Variants in CABLES1 observed in about 807,000 individuals in gnomAD.
CABLES1 encodes the protein Cdk5 and Abl enzyme substrate 1.
Under a neutral mutation model 57.8 loss-of-function variants are expected in CABLES1, and 36 were observed. That is an observed-to-expected ratio of 0.62 (90% CI 0.48 to 0.82). The LOEUF is 0.82. Among genes scored for constraint, CABLES1 ranks in the 40% least tolerant of loss-of-function variants. CABLES1 has a pLI of 0.00. For synonymous variants in CABLES1, 374 were observed against 363.0 expected, an observed-to-expected ratio of 1.03 and a Z score of -0.35; for missense variants, 767 against 836.6, an observed-to-expected ratio of 0.92 and a Z score of 1.03.
At chr18:23,148,316 A>G (rs1729449658) in intron 1 of CABLES1, among the ~76,000 whole-genome samples, 1 of 151,680 alleles carries the variant, frequency 6.6e-6, no homozygotes, top group African/African-American at 2.4e-5. Flanking sequence ...TAAGCAGGAT[A>G]CCCTCTCCCG....
At chr18:23,247,715 T>C (rs1487280703) in intron 7 of CABLES1, among the ~76,000 whole-genome samples, 2 of 152,240 alleles carry the variant, frequency 1.3e-5, no homozygotes, top group Non-Finnish European at 2.9e-5. Context: ...GCCTGTGTTC[T>C]TCCCCACTGA....
At chr18:23,145,420 C>A (rs2046885929) in intron 1 of CABLES1, among the ~76,000 whole-genome samples, 1 of 152,126 alleles carries the variant, frequency 6.6e-6, no homozygotes, top group South Asian at 2.1e-4. Flanking sequence ...CTGTTCTCCT[C>A]TTTGGGGGCT....
intron 3 of CABLES1, among the ~76,000 whole-genome samples, chr18:23,196,621 G>A (rs1183648460): frequency 6.6e-6 from 1 of 152,202 alleles, no homozygotes; most frequent in Non-Finnish European, 1.5e-5. Flanking sequence ...ATCTCCTGCT[G>A]GAGGCAGCCG....
At chr18:23,213,745 C>T (rs1264080264) in intron 3 of CABLES1, among the ~76,000 whole-genome samples, 1 of 152,188 alleles carries the variant, frequency 6.6e-6, no homozygotes, top group East Asian at 1.9e-4. Context: ...TCATTAGTGA[C>T]CCTTGCTGGT....
chr18:23,232,682 A>G (rs2047574942), intron 4 of CABLES1, among the ~76,000 whole-genome samples: 1 of 152,044 alleles, frequency 6.6e-6, no homozygotes, highest in African/African-American at 2.4e-5. Context: ...GGGACTCCAG[A>G]GATGTTTTGA....
At chr18:23,159,394 G>A (rs182102683) in intron 1 of CABLES1, among the ~76,000 whole-genome samples, 44 of 152,354 alleles carry the variant, frequency 2.9e-4, no homozygotes, top group African/African-American at 9.6e-4. Flanking sequence ...ATTAAGCTTT[G>A]CTTCGCCTAA....
rs1418710372 is a variant in CABLES1, at chr18:23,259,997, GC to G, written c.*2632del. On this transcript the variant is annotated 3_prime_UTR_variant, in exon 10 of 10. Transcript: ENST00000256925. ...CCTGATTCCTTTTCCCCCGGAGCCAGCCTAGGGGGCCCGGGACTCCTCTAGT... is the reference window on the plus strand; with the variant it reads ...CCTGATTCCTTTTCCCCCGGAGCCAGCTAGGGGGCCCGGGACTCCTCTAGT... 2.0e-5 allele frequency: 3 copies of G among 151,988 alleles called. No homozygotes were observed. The highest frequency in any genetic ancestry group is 7.3e-5 in the African/African-American group (3 of 41,352). 9.4% of individuals were successfully genotyped at this position (151,988 alleles called of 1,614,324 possible).
chr18:23,222,971 G>T (rs532806822), intron 4 of CABLES1, among the ~76,000 whole-genome samples: 2 of 152,138 alleles, frequency 1.3e-5, no homozygotes, highest in African/African-American at 2.4e-5. Context: ...GACTCCCCCC[G>T]CATTAGCCTC....
chr18:23,145,430 T>A (rs970437223), intron 1 of CABLES1, among the ~76,000 whole-genome samples: 1 of 152,212 alleles, frequency 6.6e-6, no homozygotes, highest in Non-Finnish European at 1.5e-5. Flanking sequence ...CTTTGGGGGC[T>A]GTGCAAAATG....
intron 1 of CABLES1, among the ~76,000 whole-genome samples, chr18:23,178,653 C>T (rs1347587323): frequency 1.3e-5 from 2 of 151,348 alleles, no homozygotes; most frequent in Non-Finnish European, 3.0e-5. Context: ...GCAGGGTAGA[C>T]TGGGAGATCT....
rs1350869701 is a variant in CABLES1 at position 23,253,930 on chromosome 18, A to C, written c.1755A>C (p.Leu585Phe). 2 of 1,613,910 alleles carry C rather than the reference A, an allele frequency of 1.2e-6. No individual in the cohort carries two copies. Among genetic ancestry groups the C allele is most frequent in the African/African-American group, 2.7e-5 (2 of 74,940 alleles). ...TCAAAAAACACGAAGTCAAGCATTT[A>C]ATTGACGTAAGTAGCCTTTTTCCTG... is the stretch of plus-strand genomic sequence containing the variant. ...SDLKKHEVKH[L>F]IDKLEEKFRL... The change falls in exon 9 of 10, where the codon TTA (leucine) becomes TTC (phenylalanine). Residue 585 changes from leucine to phenylalanine, a missense_variant. Coordinates refer to ENST00000256925, the MANE Select transcript of CABLES1 (RefSeq NM_001100619.3).
At chr18:23,175,597 G>A (rs568745101) in intron 1 of CABLES1, among the ~76,000 whole-genome samples, 150 of 152,188 alleles carry the variant, frequency 9.9e-4, no homozygotes, top group Non-Finnish European at 1.9e-3. Context: ...TCCTGCATGC[G>A]CCACCACACC....
At chr18:23,255,455 C>A (rs1381731349) in intron 9 of CABLES1, among the ~76,000 whole-genome samples, 1 of 152,006 alleles carries the variant, frequency 6.6e-6, no homozygotes, top group Admixed American at 6.6e-5. Context: ...GGTACAAAAT[C>A]ATCTAGCTTA....
chr18:23,244,106 T>G (rs1156985220), intron 7 of CABLES1, among the ~76,000 whole-genome samples: 2 of 152,254 alleles, frequency 1.3e-5, no homozygotes, highest in African/African-American at 4.8e-5. Context: ...CATTCTCTAC[T>G]GCCACTGTTT....
At chr18:23,188,677 G>A (rs1406601043) in intron 1 of CABLES1, among the ~76,000 whole-genome samples, 161 bp from the exon 2 acceptor site, 10 of 152,300 alleles carry the variant, frequency 6.6e-5, no homozygotes, top group South Asian at 2.1e-4. Context: ...TGGGCCTGGC[G>A]TGCAGGGTGG....
intron 3 of CABLES1, among the ~76,000 whole-genome samples, chr18:23,213,378 T>A (rs993561211): frequency 3.9e-5 from 6 of 152,318 alleles, no homozygotes; most frequent in African/African-American, 7.2e-5. Flanking sequence ...TGTTTTTTTT[T>A]AAGTGGCTTT....
intron 1 of CABLES1, among the ~76,000 whole-genome samples, chr18:23,171,122 T>C (rs1356937874): frequency 2.0e-5 from 3 of 152,202 alleles, no homozygotes; most frequent in Non-Finnish European, 4.4e-5. Flanking sequence ...GATTAAGTTA[T>C]TGGGGAGGGA....
chr18:23,136,676 C>A, intron 1 of CABLES1, 69 bp downstream of exon 1: 1 of 1,048,996 alleles, frequency 9.5e-7, no homozygotes, highest in Non-Finnish European at 1.3e-6. Flanking sequence ...TCCCCGCGGT[C>A]TCTGGGCTAC....
intron 1 of CABLES1, among the ~76,000 whole-genome samples, chr18:23,151,082 G>A (rs939732293): frequency 9.7e-5 from 14 of 144,512 alleles, no homozygotes; most frequent in Admixed American, 4.3e-4. Context: ...GCAGTGGCGC[G>A]ATCTCGGCTC....
Sources: gnomAD v4.1 joint callset for allele counts (sites outside exome capture counted in the v4.1 genomes callset) on GRCh38, gnomAD v4.1.1 for gene constraint, MANE v1.5 for transcripts, NCBI Gene and HGNC (gene_info 2026-07-23, HGNC 2026-07-21) for gene names.